TLCD5: variants seen among roughly 807,000 people sequenced by gnomAD.
TLCD5 encodes TLC domain containing 5, also known as TLC domain-containing protein 5.
Under a neutral mutation model 20.5 loss-of-function variants are expected in TLCD5, and 15 were observed. The observed-to-expected ratio is 0.73, with a 90% CI of 0.49 to 1.13. The LOEUF is 1.13. Ranked by LOEUF, TLCD5 falls within the 50% of genes most tolerant of loss-of-function variation. The pLI, the probability that TLCD5 is intolerant of heterozygous loss-of-function variation, is 0.00. For missense variants in TLCD5, 289 were observed against 305.6 expected, an observed-to-expected ratio of 0.95 and a Z score of 0.41; for synonymous variants, 107 against 114.7, an observed-to-expected ratio of 0.93 and a Z score of 0.43.
At chr11:120,329,376 C>T (rs1027797645) in intron 2 of TLCD5, among the ~76,000 whole-genome samples, 1 of 152,136 alleles carries the variant, frequency 6.6e-6, no homozygotes, top group Non-Finnish European at 1.5e-5. Flanking sequence ...AACTGTCAAA[C>T]TAATGAAACC....
At position 120,327,480 on chromosome 11, in the gene TLCD5, G is replaced by T. The variant is rs747354434; in HGVS notation, c.39G>T (p.Leu13=). 3.1e-6 allele frequency: 5 copies of T among 1,614,214 alleles called. No homozygotes were observed. The highest frequency in any genetic ancestry group is 3.3e-4 in the Middle Eastern group (2 of 6,060). ...LALCLQVLCS[L]CGWLSLYISF... The stretch of plus-strand genomic sequence containing the variant: ...TGTGTCTGCAGGTGCTGTGCAGCCT[G>T]TGTGGCTGGCTCTCGCTCTATATTT... The change falls in exon 2 of 3, where the codon CTG becomes CTT. Residue 13 remains leucine, a synonymous_variant. Transcript: ENST00000375095.
intron 1 of TLCD5, among the ~76,000 whole-genome samples, chr11:120,326,843 C>T (rs1213141071): frequency 1.3e-5 from 2 of 152,194 alleles, no homozygotes; most frequent in East Asian, 3.8e-4. Flanking sequence ...GCCAGGATTT[C>T]CCCCCAACCT....
At chr11:120,328,678 AGTGTGTGTGT>A (rs36145001) in intron 2 of TLCD5, among the ~76,000 whole-genome samples, 1 of 24,164 alleles carries the variant, frequency 4.1e-5, no homozygotes, top group Admixed American at 4.0e-4. Flanking sequence ...TAACAGTCAT[AGTGTGTGTGT>A]GTGTGTGTGT....
At chr11:120,325,590 C>G (rs1165646990) in intron 1 of TLCD5, among the ~76,000 whole-genome samples, 1 of 152,118 alleles carries the variant, frequency 6.6e-6, no homozygotes, top group Non-Finnish European at 1.5e-5. Flanking sequence ...GGCCGAGCGT[C>G]GCAGGCACCG....
At chr11:120,326,522 T>C (rs1942004389) in intron 1 of TLCD5, among the ~76,000 whole-genome samples, 1 of 152,230 alleles carries the variant, frequency 6.6e-6, no homozygotes, top group Non-Finnish European at 1.5e-5. Flanking sequence ...AGATATCTGA[T>C]ATGTTTTTGA....
chr11:120,327,704 T>TTGGCCGGGCGCGGTGGCTCACGCCTG, intron 2 of TLCD5, 64 bp downstream of exon 2: 2 of 1,493,836 alleles, frequency 1.3e-6, no homozygotes, highest in Non-Finnish European at 1.8e-6. Flanking sequence ...TATGGGACTT[T>TTGGCCGGGCGCGGTGGCTCACGCCTG]TAAACAGAAT....
Position 120,330,746 on chromosome 11 carries a change from T to G in TLCD5, c.*231T>G. On this transcript the variant is annotated 3_prime_UTR_variant, in exon 3 of 3. Transcript: ENST00000375095. ...ATACTCCATGGTAGTTGGGAATAAG[T>G]GAGAACTGTGAAGTGAGTACAACTG... 4.2e-6 allele frequency: 2 copies of G among 473,148 alleles called. No individual in the cohort carries two copies. Among genetic ancestry groups the G allele is most frequent in the Non-Finnish European group, 7.4e-6 (2 of 269,828 alleles). 29.3% of individuals were successfully genotyped at this position (473,148 alleles called of 1,614,324 possible).
intron 2 of TLCD5, among the ~76,000 whole-genome samples, chr11:120,328,569 C>T (rs1306371811): frequency 6.8e-6 from 1 of 148,048 alleles, no homozygotes; most frequent in African/African-American, 2.5e-5. Context: ...GGCCGCTCTC[C>T]CACTGTGTCC....
Position 120,330,458 on chromosome 11 carries a change from A to C in TLCD5, c.681A>C (p.Arg227Ser). Residue 227 changes from arginine (R) to serine (S), a missense_variant, in exon 3 of 3, where the codon AGA becomes AGC. Coordinates refer to ENST00000375095, the MANE Select transcript of TLCD5 (RefSeq NM_001198671.2). Reference sequence around the variant, plus strand: ...GCATCAAGAAGTACCATGCTTGGAGAAGCAGGCGGAGTGAGGAACGGCAGC... The same window carrying C: ...GCATCAAGAAGTACCATGCTTGGAGCAGCAGGCGGAGTGAGGAACGGCAGC... The part of the protein sequence containing the change: ...RKSIKKYHAW[R>S]SRRSEERQLK... 1 of 1,614,072 alleles carries C rather than the reference A, an allele frequency of 6.2e-7. No individual in the cohort carries two copies. Among genetic ancestry groups the C allele is most frequent in the South Asian group, 1.1e-5 (1 of 91,064 alleles).
rs772740388 is a variant in TLCD5 at position 120,330,073 on chromosome 11, G to A, written c.296G>A (p.Gly99Asp). The change falls in exon 3 of 3, where the codon GGT becomes GAT. Residue 99 changes from glycine to aspartate, a missense_variant. Transcript: ENST00000375095. ...LGWCVYFQSE[G>D]ALMLAHHTLS... is the part of the protein sequence containing the mutation. Reference sequence around the variant, plus strand: ...TGGTGCGTCTACTTTCAGTCTGAGGGTGCCTTGATGCTGGCTCATCACACA... The same window carrying A: ...TGGTGCGTCTACTTTCAGTCTGAGGATGCCTTGATGCTGGCTCATCACACA... The A allele has an allele frequency of 3.1e-6, 5 of 1,614,176 alleles. No individual in the cohort carries two copies. In the South Asian group the frequency reaches 4.4e-5, roughly 14 times the overall value.
At position 120,331,325 on chromosome 11, in the gene TLCD5, T is replaced by C. The variant is rs181046472; in HGVS notation, c.*810T>C. ...ATGGAATCACACAGGATGCACTTAA[T>C]TCCCCTAGCAGTGATTTGTTACGAC... is the stretch of plus-strand genomic sequence containing the variant. On this transcript the variant is annotated 3_prime_UTR_variant, in exon 3 of 3. Transcript: ENST00000375095. This position sits in a 1 kb window ranked among gnomAD's most constrained non-coding sequence, Gnocchi z 4.5. 1 of 152,380 alleles carries C rather than the reference T, an allele frequency of 6.6e-6. No individual in the cohort carries two copies. Among genetic ancestry groups the C allele is most frequent in the African/African-American group, 2.4e-5 (1 of 41,586 alleles). 9.4% of individuals were successfully genotyped at this position (152,380 alleles called of 1,614,324 possible).
At chr11:120,327,115 G>A (rs1942017934) in intron 1 of TLCD5, 3 of 482,356 alleles carry the variant, frequency 6.2e-6, no homozygotes, top group African/African-American at 3.9e-5. Context: ...GTGTATTATT[G>A]CCCAAGGTCA....
rs1354394326 is a variant in TLCD5, at chr11:120,331,641, A to G, written c.*1126A>G. ...CCAAGGATAGCAGTTTAGGCCTGCT[A>G]TGTTAACTCTTTTCTGCACAAAACC... On this transcript the variant is annotated 3_prime_UTR_variant, in exon 3 of 3. Transcript: ENST00000375095. The surrounding 1 kb of genome is among the most constrained non-coding windows in gnomAD (Gnocchi z 4.5). The G allele has an allele frequency of 3.3e-5, 5 of 152,242 alleles. No homozygotes were observed. Among genetic ancestry groups the G allele is most frequent in the Non-Finnish European group, 5.9e-5 (4 of 68,042 alleles). The allele number at this position is 152,242 out of a possible 1,614,324, so 9.4% of individuals were successfully genotyped here. A position where few individuals can be genotyped will look rare whatever the true frequency, so the allele number is the denominator to read the frequency against.
chr11:120,328,678 AGTGTGTGT>A (rs36145001), intron 2 of TLCD5, among the ~76,000 whole-genome samples: 106 of 24,146 alleles, frequency 4.4e-3, no homozygotes, highest in African/African-American at 0.014. Flanking sequence ...TAACAGTCAT[AGTGTGTGT>A]GTGTGTGTGT....
At chr11:120,329,919 T>C (rs1286086769) in intron 2 of TLCD5, 58 bp from the exon 3 acceptor site, 4 of 1,537,534 alleles carry the variant, frequency 2.6e-6, no homozygotes, top group Non-Finnish European at 2.7e-6. Context: ...ATAGGATCCC[T>C]GTGCAAGGTA....
At chr11:120,327,919 A>C (rs1473738136) in intron 2 of TLCD5, among the ~76,000 whole-genome samples, 1 of 152,096 alleles carries the variant, frequency 6.6e-6, no homozygotes, top group Non-Finnish European at 1.5e-5. Context: ...TTCCACTACC[A>C]CCCCCGAAAA....
At chr11:120,326,546 C>T (rs766950608) in intron 1 of TLCD5, among the ~76,000 whole-genome samples, 5 of 152,166 alleles carry the variant, frequency 3.3e-5, no homozygotes, top group Non-Finnish European at 4.4e-5. Context: ...TTTATTTGTA[C>T]GTTTCAATGG....
chr11:120,328,992 G>A (rs1198537706), intron 2 of TLCD5, among the ~76,000 whole-genome samples: 1 of 47,062 alleles, frequency 2.1e-5, no homozygotes, highest in Non-Finnish European at 3.8e-5. Context: ...CCCTTCTAAG[G>A]ATAACAGTCA....
Position 120,325,327 on chromosome 11 carries a change from C to A in TLCD5, c.-43C>A, listed in dbSNP as rs993583890. On this transcript the variant is annotated 5_prime_UTR_variant, in exon 1 of 3. Coordinates refer to ENST00000375095, the MANE Select transcript of TLCD5 (RefSeq NM_001198671.2). ...TTGCCGCGATCCGGGCCGGGAGCTG[C>A]GGGCGCCCGGGCGCCCGAGGCTTCC... The A allele has an allele frequency of 2.0e-5, 3 of 152,128 alleles. No homozygotes were observed. Among genetic ancestry groups the A allele is most frequent in the African/African-American group, 7.2e-5 (3 of 41,448 alleles). 9.4% of individuals were successfully genotyped at this position (152,128 alleles called of 1,614,324 possible).
Sources: gnomAD v4.1 joint callset for allele counts (sites outside exome capture counted in the v4.1 genomes callset) on GRCh38, gnomAD v4.1.1 for gene constraint, Gnocchi (gnomAD v3.1) non-coding constraint, MANE v1.5 for transcripts, NCBI Gene and HGNC (gene_info 2026-07-23, HGNC 2026-07-21) for gene names.